Variants in GRID2 observed in about 807,000 individuals in gnomAD.
GRID2 encodes the protein glutamate receptor ionotropic, delta-2.
A neutral mutation model predicts 114.8 loss-of-function variants in GRID2; 33 were observed. The ratio of observed to expected loss-of-function variants is 0.29; its 90% CI spans 0.22 to 0.38. The LOEUF is 0.38. Ranked by LOEUF, GRID2 falls within the 10% of genes least tolerant of loss-of-function variation. The pLI is 1.00. For missense variants in GRID2, 1,184 were observed against 1,257.7 expected (o/e 0.94, Z 0.89); for synonymous variants, 505 against 449.9 (o/e 1.12, Z -1.55).
intron 1 of GRID2, among the ~76,000 whole-genome samples, chr4:92,520,180 C>A (rs1174365876): frequency 6.6e-6 from 1 of 151,790 alleles, no homozygotes; most frequent in Admixed American, 6.6e-5. Context: ...ATCCTGTGTA[C>A]AGTTGAAAAT....
intron 2 of GRID2, among the ~76,000 whole-genome samples, chr4:92,956,284 T>C (rs957100000): frequency 5.3e-5 from 8 of 152,202 alleles, no homozygotes; most frequent in African/African-American, 1.4e-4. Flanking sequence ...TTTGGTCTTA[T>C]TGAGTCTATG....
chr4:93,087,017 G>GATTTATTTATTTATTT lies in GRID2; in HGVS notation c.529+1755_529+1770dup, dbSNP rs140238204. Among the ~76,000 whole-genome samples, 342 of 147,620 alleles carry GATTTATTTATTTATTT rather than the reference G, an allele frequency of 2.3e-3. 1 individual carries two copies. The highest frequency in any genetic ancestry group is 0.011 in the Middle Eastern group (3 of 284). On this transcript the variant is annotated intron_variant, in intron 3 of 15. Coordinates refer to ENST00000282020, the MANE Select transcript of GRID2 (RefSeq NM_001510.4). ...AATTTTCAGTTAGTACTATGAAAGT[G>GATTTATTTATTTATTT]ATTTATTTATTTATTTATTTATTTA...
At chr4:92,921,872 G>C (rs902646172) in intron 2 of GRID2, among the ~76,000 whole-genome samples, 1 of 152,186 alleles carries the variant, frequency 6.6e-6, no homozygotes, top group Admixed American at 6.5e-5. Context: ...TCTCTTCAAA[G>C]CTGTCATACG....
chr4:92,907,532 C>A (rs924962118), intron 2 of GRID2, among the ~76,000 whole-genome samples: 2 of 152,040 alleles, frequency 1.3e-5, no homozygotes, highest in Admixed American at 6.6e-5. Context: ...CTGCCTCAGT[C>A]CCCCGAGTAG....
chr4:93,528,681 G>T (rs899053678), intron 13 of GRID2, among the ~76,000 whole-genome samples: 5 of 152,074 alleles, frequency 3.3e-5, no homozygotes, highest in African/African-American at 1.2e-4. Context: ...GCTCATCCCA[G>T]TAGTGATTCT....
At chr4:93,020,089 C>T (rs1015593555) in intron 2 of GRID2, among the ~76,000 whole-genome samples, 17 of 152,196 alleles carry the variant, frequency 1.1e-4, no homozygotes, top group South Asian at 1.0e-3. Context: ...ATAGCACTTA[C>T]TTTGTGTGTA....
At chr4:92,399,667 A>C (rs7666227) in intron 1 of GRID2, among the ~76,000 whole-genome samples, 58,744 of 121,440 alleles carry the variant, frequency 0.48, 13,017 homozygotes, top group East Asian at 0.72. Flanking sequence ...CTCTCTCTCT[A>C]TATATATATA....
intron 1 of GRID2, among the ~76,000 whole-genome samples, chr4:92,521,078 A>T: frequency 6.6e-6 from 1 of 152,068 alleles, no homozygotes; most frequent in South Asian, 2.1e-4. Context: ...TTTTTAGAAC[A>T]AAAACTACCT....
At chr4:92,784,482 G>C (rs948724617) in intron 2 of GRID2, among the ~76,000 whole-genome samples, 2 of 151,380 alleles carry the variant, frequency 1.3e-5, no homozygotes, top group Admixed American at 6.6e-5. Context: ...ATCCAGTCAG[G>C]CAAGTGAAAT....
chr4:92,511,261 C>A (rs1004797785), intron 1 of GRID2, among the ~76,000 whole-genome samples: 1 of 151,646 alleles, frequency 6.6e-6, no homozygotes, highest in Non-Finnish European at 1.5e-5. Flanking sequence ...GGAGGAGGTT[C>A]TAAGCCCACT....
chr4:93,637,382 C>G (rs1462848806), intron 14 of GRID2, among the ~76,000 whole-genome samples: 2 of 152,128 alleles, frequency 1.3e-5, no homozygotes, highest in Non-Finnish European at 2.9e-5. Context: ...AATCCTAAAA[C>G]TGATAAGTGA....
At chr4:92,943,349 C>T (rs1026590485) in intron 2 of GRID2, among the ~76,000 whole-genome samples, 2 of 152,220 alleles carry the variant, frequency 1.3e-5, no homozygotes, top group African/African-American at 4.8e-5. Context: ...TCACTGATAC[C>T]CTTTCTTCCA....
intron 2 of GRID2, among the ~76,000 whole-genome samples, chr4:92,902,619 G>T (rs529160480): frequency 1.3e-5 from 2 of 151,944 alleles, no homozygotes; most frequent in Non-Finnish European, 2.9e-5. Flanking sequence ...TATTTTTATA[G>T]TTACAGGTCT....
At chr4:93,744,197 T>C (rs557025376) in intron 14 of GRID2, among the ~76,000 whole-genome samples, 2 of 152,228 alleles carry the variant, frequency 1.3e-5, no homozygotes, top group South Asian at 2.1e-4. Flanking sequence ...AAGGAGATAA[T>C]GTTGTTTTCG....
At chr4:93,739,447 C>T (rs566809170) in intron 14 of GRID2, among the ~76,000 whole-genome samples, 51 of 152,120 alleles carry the variant, frequency 3.4e-4, no homozygotes, top group Non-Finnish European at 3.1e-4. Context: ...CTGCAGGGCC[C>T]ATGTTACTTA....
chr4:93,505,619 T>A (rs906518663), intron 12 of GRID2, among the ~76,000 whole-genome samples: 3 of 148,690 alleles, frequency 2.0e-5, no homozygotes, highest in African/African-American at 7.3e-5. Flanking sequence ...TTATTAGATA[T>A]CATACACATA....
intron 2 of GRID2, among the ~76,000 whole-genome samples, chr4:92,742,812 C>A (rs774560825): frequency 2.0e-5 from 3 of 152,236 alleles, no homozygotes; most frequent in East Asian, 1.9e-4. Flanking sequence ...GCATCAGGAA[C>A]CTCTCTCTAG....
intron 2 of GRID2, among the ~76,000 whole-genome samples, chr4:92,614,138 A>G (rs950185600): frequency 5.9e-5 from 9 of 151,460 alleles, no homozygotes; most frequent in Non-Finnish European, 1.3e-4. Flanking sequence ...TATTCATTTT[A>G]TCTAGCTGTA....
intron 13 of GRID2, among the ~76,000 whole-genome samples, chr4:93,621,608 A>C (rs1329057944): frequency 6.6e-6 from 1 of 152,216 alleles, no homozygotes; most frequent in Non-Finnish European, 1.5e-5. Context: ...TTTTTAGGCC[A>C]GTCCTTCAAT....
Sources: gnomAD v4.1 joint callset for allele counts (sites outside exome capture counted in the v4.1 genomes callset) on GRCh38, gnomAD v4.1.1 for gene constraint, MANE v1.5 for transcripts, NCBI Gene and HGNC (gene_info 2026-07-23, HGNC 2026-07-21) for gene names.